GSN: variants seen among roughly 807,000 people sequenced by gnomAD.
GSN encodes gelsolin, also known as actin-depolymerizing factor.
GSN carries 56 observed loss-of-function variants against 85.7 expected under a neutral mutation model. The observed-to-expected ratio is 0.65, with a 90% CI of 0.53 to 0.82. GSN has a LOEUF of 0.82. Among genes scored for constraint, GSN ranks in the 40% least tolerant of loss-of-function variants. The pLI is 0.00. For synonymous variants in GSN, 373 were observed against 399.1 expected (o/e 0.93, Z 0.78); for missense variants, 857 against 979.8 (o/e 0.87, Z 1.67).
intron 4 of GSN, among the ~76,000 whole-genome samples, chr9:121,308,097 A>G (rs2060618103): frequency 6.6e-6 from 1 of 152,212 alleles, no homozygotes; most frequent in Admixed American, 6.5e-5. Context: ...CAGAAGTCAC[A>G]GTCTTACCCC....
chr9:121,270,205 G>A (rs1004208418), intron 1 of GSN, among the ~76,000 whole-genome samples: 16 of 152,182 alleles, frequency 1.1e-4, no homozygotes, highest in Admixed American at 1.0e-3. Context: ...GGAGAAGGGC[G>A]GGGTGGTGGG....
chr9:121,222,124 C>T (rs1488311923), intron 4 of GSN: 1 of 151,904 alleles, frequency 6.6e-6, no homozygotes, highest in Non-Finnish European at 1.5e-5. Context: ...AAACAGATGC[C>T]CAGTATACAA....
Position 121,303,119 on chromosome 9 carries a change from G to A in GSN, c.351+54G>A, listed in dbSNP as rs1409076422. 7 of 1,543,836 alleles carry A rather than the reference G, an allele frequency of 4.5e-6. 1 individual carries two copies. The East Asian group carries it at 1.6e-4, about 35-fold the overall frequency. On this transcript the variant is annotated intron_variant, in intron 4 of 17. Coordinates refer to ENST00000432226, the MANE Select transcript of GSN (RefSeq NM_198252.3). ...GTAGGGACAGATGCACCAGTAACAGGGCTCACTCAGGCCCATCTATCTTTT... is the reference window on the plus strand; with the variant it reads ...GTAGGGACAGATGCACCAGTAACAGAGCTCACTCAGGCCCATCTATCTTTT...
At chr9:121,204,913 G>A (rs907593627), upstream of GSN, among the ~76,000 whole-genome samples, 1 of 152,170 alleles carries the variant, frequency 6.6e-6, no homozygotes, top group Non-Finnish European at 1.5e-5. Flanking sequence ...ACTATAAGAG[G>A]AGGGCAAAGA....
chr9:121,238,055 G>C (rs779716985), intron 5 of GSN: 1 of 152,290 alleles, frequency 6.6e-6, no homozygotes, highest in Non-Finnish European at 1.5e-5. Context: ...GAGTGCTAAA[G>C]GAATAAAGAA....
chr9:121,208,426 T>C (rs966498687), intron 1 of GSN, among the ~76,000 whole-genome samples: 89 of 152,302 alleles, frequency 5.8e-4, no homozygotes, highest in African/African-American at 2.1e-3. Flanking sequence ...TGATAGTGGC[T>C]TTCACAAGAT....
At chr9:121,204,240 G>A (rs528938127), upstream of GSN, among the ~76,000 whole-genome samples, 3 of 152,308 alleles carry the variant, frequency 2.0e-5, no homozygotes, top group East Asian at 5.8e-4. Flanking sequence ...TGAAAAAACT[G>A]AGTGTCATAC....
At position 121,233,329 on chromosome 9, in the gene GSN, G is replaced by A. The variant is rs149523178; in HGVS notation, c.-389+2026G>A. Reference sequence around the variant, plus strand: ...AAATACAAAAAATTAGTCGGGCGTGGTAGCATGCACCTGTAATCCCAGCTA... The same window carrying A: ...AAATACAAAAAATTAGTCGGGCGTGATAGCATGCACCTGTAATCCCAGCTA... On this transcript the variant is annotated intron_variant, in intron 5 of 24. Coordinates refer to the GSN transcript ENST00000373823. 6.5e-3 allele frequency among the ~76,000 whole-genome samples: 993 copies of A among 152,254 alleles called. 7 individuals carry two copies. The highest frequency in any genetic ancestry group is 0.01 in the Non-Finnish European group (690 of 68,018).
chr9:121,281,954 G>A (rs1174564312), intron 2 of GSN: 1 of 471,800 alleles, frequency 2.1e-6, no homozygotes, highest in Non-Finnish European at 4.4e-6. Flanking sequence ...CTTTGGAGAG[G>A]TGAGAAAAAT....
Position 121,314,534 on chromosome 9 carries a change from C to G in GSN, c.753+511C>G, listed in dbSNP as rs74340674. Among the ~76,000 whole-genome samples the G allele has an allele frequency of 6.6e-5, 10 of 152,316 alleles. No individual in the cohort carries two copies. The South Asian group carries it at 2.1e-3, about 32-fold the overall frequency. On this transcript the variant is annotated intron_variant, in intron 7 of 17. Transcript: ENST00000432226. ...AGCTCTGGGAGAAAGCTCAATCACACTTACGTTGTGCCCCAAGTATTTTCA... is the reference window on the plus strand; with the variant it reads ...AGCTCTGGGAGAAAGCTCAATCACAGTTACGTTGTGCCCCAAGTATTTTCA...
intron 1 of GSN, among the ~76,000 whole-genome samples, chr9:121,276,942 A>T (rs78147719): frequency 6.7e-6 from 1 of 148,456 alleles, no homozygotes; most frequent in Admixed American, 6.7e-5. Context: ...AAAGTATAAT[A>T]AAAAAAAAAG....
chr9:121,314,316 A>T lies in GSN; in HGVS notation c.753+293A>T, dbSNP rs149319773. Among the ~76,000 whole-genome samples the T allele has an allele frequency of 1.3e-3, 200 of 152,360 alleles. 2 individuals are homozygous for T. Among genetic ancestry groups the T allele is most frequent in the African/African-American group, 4.6e-3 (193 of 41,578 alleles). ...AGAGCAGAATGGTCGACTTTGTAGG[A>T]TTTCTGGGAGTCCACAGATAAAATG... On this transcript the variant is annotated intron_variant, in intron 7 of 17. Transcript: ENST00000432226.
intron 5 of GSN, among the ~76,000 whole-genome samples, chr9:121,233,932 G>T (rs2054442093): frequency 6.6e-6 from 1 of 152,172 alleles, no homozygotes; most frequent in Non-Finnish European, 1.5e-5. Context: ...AGACAATAAT[G>T]CCTTGAACAA....
At chr9:121,327,867 G>A (rs148919273) in intron 14 of GSN, among the ~76,000 whole-genome samples, 1 of 152,254 alleles carries the variant, frequency 6.6e-6, no homozygotes, top group East Asian at 1.9e-4. Flanking sequence ...CCAGCTACTC[G>A]GGAGGCTGAG....
intron 4 of GSN, among the ~76,000 whole-genome samples, chr9:121,305,425 A>C (rs2060299672): frequency 6.6e-6 from 1 of 151,056 alleles, no homozygotes; most frequent in South Asian, 2.1e-4. Context: ...TTACCCTAAC[A>C]GGTAGGGTAT....
At chr9:121,300,511 T>C (rs765859118) in intron 2 of GSN, among the ~76,000 whole-genome samples, 3 of 152,122 alleles carry the variant, frequency 2.0e-5, no homozygotes, top group Non-Finnish European at 4.4e-5. Context: ...TCCACCCTTC[T>C]GCCTGAGTTC....
At chr9:121,210,609 C>A (rs1564331590) in intron 3 of GSN, among the ~76,000 whole-genome samples, 1 of 152,162 alleles carries the variant, frequency 6.6e-6, no homozygotes, top group Non-Finnish European at 1.5e-5. Context: ...ATACCAGCAC[C>A]CGTCCTGTGA....
intron 17 of GSN, 24 bp downstream of exon 17, chr9:121,331,472 C>CGGGGGGTGGGGGG: frequency 7.2e-7 from 1 of 1,387,798 alleles, no homozygotes; most frequent in Non-Finnish European, 9.8e-7. Context: ...TGCCTGGGGG[C>CGGGGGGTGGGGGG]GGGGGGAGGG....
intron 2 of GSN, chr9:121,281,968 G>A (rs748346380): frequency 4.2e-6 from 2 of 472,164 alleles, no homozygotes; most frequent in South Asian, 1.5e-5. Context: ...GAAAAATGGG[G>A]GTCCATTTGC....
Sources: gnomAD v4.1 joint callset for allele counts (sites outside exome capture counted in the v4.1 genomes callset) on GRCh38, gnomAD v4.1.1 for gene constraint, MANE v1.5 for transcripts, NCBI Gene and HGNC (gene_info 2026-07-23, HGNC 2026-07-21) for gene names.